LPP: variants seen among roughly 807,000 people sequenced by gnomAD.
LPP encodes lipoma-preferred partner.
LPP carries 38 observed loss-of-function variants against 60.4 expected under a neutral mutation model. The ratio of observed to expected loss-of-function variants is 0.63; its 90% CI spans 0.49 to 0.83. LPP has a LOEUF of 0.83. LPP is among the 40% of genes least tolerant of loss of function. The pLI, the probability that LPP is intolerant of heterozygous loss-of-function variation, is 0.00. For synonymous variants in LPP, 328 were observed against 290.8 expected (o/e 1.13, Z -1.30); for missense variants, 902 against 783.6 (o/e 1.15, Z -1.80).
In LPP at chr3:188,564,231, CCTT is replaced by C. The variant is rs1338467855; in HGVS notation, c.429+39448_429+39450del. On this transcript the variant is annotated intron_variant, in intron 6 of 11. Transcript: ENST00000617246. ...TCAGGTCCACCTTCCATGCCATACT[CCTT>C]CTTTCCACCATTCGCAGCTGGTCCT... Among the ~76,000 whole-genome samples, 7 of 151,982 alleles carry C rather than the reference CCTT, an allele frequency of 4.6e-5. No individual in the cohort carries two copies. The South Asian group carries it at 1.0e-3, about 22-fold the overall frequency.
intron 1 of LPP, among the ~76,000 whole-genome samples, chr3:188,189,158 T>A (rs956801871): frequency 1.3e-5 from 2 of 152,204 alleles, no homozygotes; most frequent in Non-Finnish European, 2.9e-5. Flanking sequence ...TGACTGAGGC[T>A]CACTGAAGCC....
chr3:188,692,571 TC>T (rs988836421), intron 7 of LPP, among the ~76,000 whole-genome samples: 1 of 152,206 alleles, frequency 6.6e-6, no homozygotes, highest in Non-Finnish European at 1.5e-5. Flanking sequence ...ATCTCCCCTT[TC>T]TCTGTGCTCT....
At chr3:188,512,592 T>TAAATA (rs1202000749) in intron 5 of LPP, among the ~76,000 whole-genome samples, 1 of 151,402 alleles carries the variant, frequency 6.6e-6, no homozygotes, top group Non-Finnish European at 1.5e-5. Context: ...AATAAATAAA[T>TAAATA]AAAGTTCCCA....
intron 6 of LPP, among the ~76,000 whole-genome samples, chr3:188,575,551 G>A (rs998078044): frequency 3.9e-5 from 6 of 152,142 alleles, no homozygotes; most frequent in Admixed American, 2.6e-4. Flanking sequence ...TTTTGGATCC[G>A]GTCCACCTTA....
At chr3:188,695,428 C>T (rs557851822) in intron 7 of LPP, among the ~76,000 whole-genome samples, 8 of 152,224 alleles carry the variant, frequency 5.3e-5, no homozygotes, top group South Asian at 2.1e-4. Flanking sequence ...TTCTCTCATC[C>T]ACCTTCCTGC....
intron 9 of LPP, among the ~76,000 whole-genome samples, chr3:188,765,317 C>CACACA (rs1232107589): frequency 6.6e-6 from 1 of 151,614 alleles, no homozygotes; most frequent in East Asian, 1.9e-4. Context: ...CACACACACA[C>CACACA]ACACACACAC....
At chr3:188,203,494 TATATATAA>T (rs1473732639) in intron 1 of LPP, among the ~76,000 whole-genome samples, 1 of 79,316 alleles carries the variant, frequency 1.3e-5, no homozygotes, top group African/African-American at 5.0e-5. Flanking sequence ...TATTTTTAAA[TATATATAA>T]ATATATATAT....
rs1325562734 is a variant in LPP at position 188,825,267 on chromosome 3, CTCTGTGTGTGTG to C, written c.1411-40931_1411-40920del. Among the ~76,000 whole-genome samples the C allele has an allele frequency of 7.1e-5, 7 of 98,932 alleles. No homozygotes were observed. The South Asian group carries it at 1.5e-3, about 22-fold the overall frequency. 64.9% of individuals were successfully genotyped at this position (98,932 alleles called of 152,430 possible). ...TTTCTTTCTCTCTCTCTCTCTCTCTCTCTGTGTGTGTGTGTGTGTGTGTGTGTGTGTGTGTGT... is the reference window on the plus strand; with the variant it reads ...TTTCTTTCTCTCTCTCTCTCTCTCTCTGTGTGTGTGTGTGTGTGTGTGTGT... On this transcript the variant is annotated intron_variant, in intron 9 of 11. Transcript: ENST00000617246.
At chr3:188,485,312 G>A (rs1251178698) in intron 5 of LPP, among the ~76,000 whole-genome samples, 1 of 152,174 alleles carries the variant, frequency 6.6e-6, no homozygotes, top group Non-Finnish European at 1.5e-5. Context: ...GTGGTTCTCA[G>A]ACTGTGATCA....
intron 2 of LPP, among the ~76,000 whole-genome samples, chr3:188,339,106 G>A (rs1029665377): frequency 6.6e-6 from 1 of 152,172 alleles, no homozygotes; most frequent in African/African-American, 2.4e-5. Flanking sequence ...TTTTTGAGGG[G>A]AGAGAGGATG....
chr3:188,876,023 C>G lies in LPP; in HGVS notation c.*1544C>G, dbSNP rs1426176625. The G allele has an allele frequency of 1.1e-5, 2 of 185,924 alleles. No homozygotes were observed. The highest frequency in any genetic ancestry group is 4.7e-5 in the African/African-American group (2 of 42,616). The allele number at this position is 185,924 out of a possible 1,614,324, so 11.5% of individuals were successfully genotyped here. A position where few individuals can be genotyped will look rare whatever the true frequency, so the allele number is the denominator to read the frequency against. The stretch of plus-strand genomic sequence containing the variant: ...ATAATGAATTCCTATATACCTAATA[C>G]CCAGTTTAAGACACCAAATATAACA... On this transcript the variant is annotated 3_prime_UTR_variant, in exon 12 of 12. Transcript: ENST00000617246.
intron 2 of LPP, among the ~76,000 whole-genome samples, chr3:188,332,706 G>T (rs1322948881): frequency 1.3e-5 from 2 of 152,160 alleles, no homozygotes; most frequent in African/African-American, 2.4e-5. Flanking sequence ...AGGCATTATG[G>T]TAGTTTTAAG....
intron 5 of LPP, among the ~76,000 whole-genome samples, chr3:188,509,643 TTC>T (rs1262854134): frequency 1.9e-4 from 6 of 32,270 alleles, no homozygotes; most frequent in African/African-American, 6.8e-4. Flanking sequence ...CCTTCCTTCC[TTC>T]CTTCCTTCCT....
At chr3:188,403,437 A>G (rs1782701492) in intron 3 of LPP, among the ~76,000 whole-genome samples, 1 of 152,234 alleles carries the variant, frequency 6.6e-6, no homozygotes, top group Non-Finnish European at 1.5e-5. Flanking sequence ...TTCCAAGGAT[A>G]GTATTAAGCC....
intron 1 of LPP, among the ~76,000 whole-genome samples, chr3:188,177,824 C>G (rs1723524359): frequency 6.7e-6 from 1 of 148,780 alleles, no homozygotes; most frequent in African/African-American, 2.4e-5. Flanking sequence ...AGAGATGGAG[C>G]TGCCCTGAGG....
intron 5 of LPP, among the ~76,000 whole-genome samples, chr3:188,503,191 G>A (rs112335218): frequency 1.2e-4 from 18 of 151,936 alleles, no homozygotes; most frequent in South Asian, 6.2e-4. Flanking sequence ...ACATCCTAAC[G>A]TTATAACACT....
chr3:188,322,575 G>C (rs1757254087), intron 2 of LPP, among the ~76,000 whole-genome samples: 1 of 152,110 alleles, frequency 6.6e-6, no homozygotes, highest in African/African-American at 2.4e-5. Context: ...AAGGCCTTTT[G>C]GTTATATACG....
At chr3:188,632,408 G>A (rs1847998910) in intron 7 of LPP, among the ~76,000 whole-genome samples, 1 of 152,196 alleles carries the variant, frequency 6.6e-6, no homozygotes, top group Non-Finnish European at 1.5e-5. Flanking sequence ...GGGGAGACTG[G>A]GAGATGGAAA....
intron 9 of LPP, among the ~76,000 whole-genome samples, chr3:188,837,857 T>G (rs1758874684): frequency 6.6e-6 from 1 of 152,158 alleles, no homozygotes; most frequent in Admixed American, 6.5e-5. Flanking sequence ...AGCCCTTGCT[T>G]TGGTTTTATA....
Sources: allele counts gnomAD v4.1 joint callset (sites outside exome capture counted in the v4.1 genomes callset), GRCh38; gene constraint gnomAD v4.1.1; transcripts MANE v1.5; gene names NCBI Gene and HGNC (gene_info 2026-07-23, HGNC 2026-07-21).